The following COG4 variants were observed in gnomAD, a reference collection of about 807,000 sequenced individuals.
The protein encoded by COG4 is component of oligomeric golgi complex 4.
A neutral mutation model predicts 95.1 loss-of-function variants in COG4; 65 were observed. The observed-to-expected ratio is 0.68, with a 90% CI of 0.56 to 0.84. The LOEUF is 0.84. COG4 is among the 40% of genes least tolerant of loss of function. COG4 has a pLI of 0.00. For synonymous variants in COG4, 421 were observed against 374.8 expected (o/e 1.12, Z -1.42); for missense variants, 1,045 against 989.1 (o/e 1.06, Z -0.76).
Position 70,519,720 on chromosome 16 carries a change from C to T in COG4, c.183G>A (p.Glu61=). The stretch of plus-strand genomic sequence containing the variant: ...GTTCCAAAAGAGCATCCAGCTCTCT[C>T]TCCACCACTTTCTGAAACACAGAGA... ...ERLCGEEKVV[E]RELDALLEQQ... The change falls in exon 2 of 19, where the codon GAG becomes GAA. Residue 61 remains glutamate (E), a synonymous_variant. Transcript: ENST00000323786. 1.2e-6 allele frequency: 2 copies of T among 1,612,890 alleles called. No homozygotes were observed. Among genetic ancestry groups the T allele is most frequent in the Non-Finnish European group, 1.7e-6 (2 of 1,179,024 alleles).
At chr16:70,514,118 G>A (rs2049771294) in intron 4 of COG4, among the ~76,000 whole-genome samples, 2 of 152,100 alleles carry the variant, frequency 1.3e-5, no homozygotes, top group Non-Finnish European at 2.9e-5. Flanking sequence ...GCTGAGGCAG[G>A]AGAATCGCTT....
intron 1 of COG4, among the ~76,000 whole-genome samples, chr16:70,521,777 C>T (rs1292993257): frequency 1.3e-5 from 2 of 150,346 alleles, no homozygotes; most frequent in African/African-American, 2.5e-5. Flanking sequence ...TCTCGGCTCA[C>T]TGCAAGCTCC....
At chr16:70,482,022 G>C in intron 16 of COG4, 70 bp downstream of exon 16, 1 of 1,411,366 alleles carries the variant, frequency 7.1e-7, no homozygotes, top group Non-Finnish European at 1.0e-6. Flanking sequence ...AATGTGATGA[G>C]ACCCTGCAGG....
intron 2 of COG4, among the ~76,000 whole-genome samples, chr16:70,519,347 T>A (rs2049888080): frequency 2.7e-5 from 1 of 36,916 alleles, no homozygotes; most frequent in Admixed American, 2.6e-4. Flanking sequence ...CAGGATGGTC[T>A]CGATCTCCTG....
chr16:70,497,437 G>T, intron 10 of COG4, 50 bp from the exon 11 acceptor site: 7 of 1,573,954 alleles, frequency 4.4e-6, no homozygotes, highest in Non-Finnish European at 6.1e-6. Flanking sequence ...TGCATGTCAT[G>T]TTCTAGATGA....
At chr16:70,513,950 G>A (rs1467144355) in intron 4 of COG4, among the ~76,000 whole-genome samples, 1 of 152,170 alleles carries the variant, frequency 6.6e-6, no homozygotes, top group African/African-American at 2.4e-5. Flanking sequence ...GCTTACACCT[G>A]TAATCCCAGC....
At chr16:70,518,129 C>T (rs1315115613) in intron 2 of COG4, among the ~76,000 whole-genome samples, 1 of 151,932 alleles carries the variant, frequency 6.6e-6, no homozygotes, top group African/African-American at 2.4e-5. Context: ...CGGGGTTTCA[C>T]CACGTTGGCC....
chr16:70,482,075 C>T lies in COG4; in HGVS notation c.2004+17G>A. The T allele has an allele frequency of 1.2e-6, 2 of 1,601,874 alleles. No homozygotes were observed. Among genetic ancestry groups the T allele is most frequent in the South Asian group, 1.1e-5 (1 of 90,844 alleles). On this transcript the variant is annotated intron_variant, in intron 16 of 18. Coordinates refer to ENST00000323786, the MANE Select transcript of COG4 (RefSeq NM_015386.3). ...CGTGGGTAATTCCCTAAGTGGATCC[C>T]TAGGGCCCCTGCTCACCTTGAACTC...
chr16:70,489,804 A>G (rs114636730), intron 13 of COG4, among the ~76,000 whole-genome samples: 70 of 152,158 alleles, frequency 4.6e-4, no homozygotes, highest in African/African-American at 1.5e-3. Context: ...CACGCCAACT[A>G]TGTGCTGGAA....
intron 12 of COG4, among the ~76,000 whole-genome samples, chr16:70,493,307 G>A (rs899742776): frequency 6.6e-6 from 1 of 151,778 alleles, no homozygotes; most frequent in Non-Finnish European, 1.5e-5. Flanking sequence ...CTACCTTTCT[G>A]CTTGATGGAA....
rs1426950467 is a variant in COG4 at position 70,506,616 on chromosome 16, AAC to A, written c.1061+1788_1061+1789del. ...CTCAAAAAAAAAAAAAAAAAAAAAA[AAC>A]AAAAAAAAAAACATTTAGCTGGGAG... On this transcript the variant is annotated intron_variant, in intron 8 of 18. Transcript: ENST00000323786. Among the ~76,000 whole-genome samples the A allele has an allele frequency of 2.3e-4, 14 of 60,834 alleles. 2 individuals carry two copies. The highest frequency in any genetic ancestry group is 5.1e-4 in the African/African-American group (9 of 17,672). 39.9% of individuals were successfully genotyped at this position (60,834 alleles called of 152,430 possible). A position where few individuals can be genotyped will look rare whatever the true frequency, so the allele number is the denominator to read the frequency against.
intron 14 of COG4, 119 bp from the exon 15 acceptor site, chr16:70,482,940 CCCTT>C: frequency 1.3e-6 from 1 of 742,782 alleles, no homozygotes; most frequent in Non-Finnish European, 2.4e-6. Context: ...CTCTCCCCAT[CCCTT>C]CCTTCTCTCC....
At chr16:70,485,879 A>G (rs890554396) in intron 13 of COG4, among the ~76,000 whole-genome samples, 4 of 145,782 alleles carry the variant, frequency 2.7e-5, no homozygotes, top group Non-Finnish European at 5.9e-5. Context: ...ACCACCGTGT[A>G]CGGCCCAGAA....
At chr16:70,493,747 G>A (rs998850757) in intron 12 of COG4, among the ~76,000 whole-genome samples, 5 of 152,118 alleles carry the variant, frequency 3.3e-5, no homozygotes, top group Non-Finnish European at 7.4e-5. Context: ...ACAGTGGGCT[G>A]GCACTGAGGA....
At chr16:70,488,737 G>A (rs2049185696) in intron 13 of COG4, among the ~76,000 whole-genome samples, 1 of 151,774 alleles carries the variant, frequency 6.6e-6, no homozygotes, top group South Asian at 2.1e-4. Flanking sequence ...TTTTAGTAGA[G>A]ACAGGGTTTC....
intron 14 of COG4, 27 bp from the exon 15 acceptor site, chr16:70,482,848 T>C (rs1173634960): frequency 1.3e-6 from 2 of 1,584,604 alleles, no homozygotes; most frequent in Non-Finnish European, 1.7e-6. Flanking sequence ...TGGAGACATG[T>C]GACACAGAAG....
intron 13 of COG4, among the ~76,000 whole-genome samples, chr16:70,485,643 C>T (rs1367108034): frequency 1.3e-4 from 18 of 139,028 alleles, no homozygotes; most frequent in South Asian, 2.3e-4. Context: ...TGGAGTGCAA[C>T]GACATGATCT....
chr16:70,488,846 C>T (rs1193369673), intron 13 of COG4, among the ~76,000 whole-genome samples: 6 of 152,166 alleles, frequency 3.9e-5, no homozygotes, highest in Admixed American at 3.3e-4. Flanking sequence ...CCACCACACC[C>T]GGCCCAGCTA....
At chr16:70,509,103 T>C (rs1369144846) in intron 7 of COG4, 128 bp downstream of exon 7, 1 of 1,170,786 alleles carries the variant, frequency 8.5e-7, no homozygotes, top group African/African-American at 1.5e-5. Flanking sequence ...CAGGCCAGTG[T>C]GCGCTTAGCA....
Sources: allele counts gnomAD v4.1 joint callset (sites outside exome capture counted in the v4.1 genomes callset), GRCh38; gene constraint gnomAD v4.1.1; transcripts MANE v1.5; gene names NCBI Gene and HGNC (gene_info 2026-07-23, HGNC 2026-07-21).